The following PSAT1 variants were observed in gnomAD, a reference collection of about 807,000 sequenced individuals.
PSAT1 encodes the protein phosphoserine aminotransferase 1, also known as phosphoserine aminotransferase.
Under a neutral mutation model 40.3 loss-of-function variants are expected in PSAT1, and 41 were observed. The observed-to-expected ratio is 1.02, with a 90% confidence interval of 0.79 to 1.32. The LOEUF (loss-of-function observed/expected upper bound fraction) is 1.32. Ranked by LOEUF, PSAT1 falls within the 40% of genes most tolerant of loss-of-function variation. PSAT1 has a pLI of 0.00. For synonymous variants in PSAT1, 147 were observed against 170.5 expected (o/e 0.86, Z 1.07); for missense variants, 406 against 455.8 (o/e 0.89, Z 0.99).
chr9:78,310,495 G>A, intron 6 of PSAT1, among the ~76,000 whole-genome samples: 1 of 152,166 alleles, frequency 6.6e-6, no homozygotes, highest in East Asian at 1.9e-4. Context: ...GTAGGAAAGA[G>A]GGGGCTCAGG....
Position 78,306,307 on chromosome 9 carries a change from G to T in PSAT1, c.398-7G>T. On this transcript the variant is annotated splice_region_variant and splice_polypyrimidine_tract_variant and intron_variant, in intron 4 of 8. Coordinates refer to ENST00000376588, the MANE Select transcript of PSAT1 (RefSeq NM_058179.4). ...GTGCAAAGTCTCAAACTTGTCTTCT[G>T]TGATAGAAATTCCAGATCCAAGCAC... is the stretch of plus-strand genomic sequence containing the variant. The T allele has an allele frequency of 6.2e-7, 1 of 1,612,070 alleles. No homozygotes were observed. Among genetic ancestry groups the T allele is most frequent in the Non-Finnish European group, 8.5e-7 (1 of 1,179,862 alleles).
intron 6 of PSAT1, among the ~76,000 whole-genome samples, chr9:78,310,733 G>T (rs867964666): frequency 6.6e-6 from 1 of 151,566 alleles, no homozygotes. Context: ...TCAGCCTCCC[G>T]AGTAGCTGGG....
intron 1 of PSAT1, among the ~76,000 whole-genome samples, chr9:78,299,056 C>G (rs1828067323): frequency 7.0e-6 from 1 of 142,668 alleles, no homozygotes; most frequent in Non-Finnish European, 1.5e-5. Flanking sequence ...GGGAGGATCT[C>G]TTGAGCCCAG....
At chr9:78,305,495 G>A (rs1195769087) in intron 4 of PSAT1, among the ~76,000 whole-genome samples, 1 of 152,202 alleles carries the variant, frequency 6.6e-6, no homozygotes, top group Non-Finnish European at 1.5e-5. Context: ...CCAGGGGCTG[G>A]TTTGGCTTTA....
chr9:78,305,063 T>A, intron 4 of PSAT1, 123 bp downstream of exon 4: 1 of 882,926 alleles, frequency 1.1e-6, no homozygotes, highest in Non-Finnish European at 1.8e-6. Context: ...CCATTTAGAT[T>A]GGGTGGCTGT....
chr9:78,312,318 C>T (rs935291747), intron 6 of PSAT1, among the ~76,000 whole-genome samples: 48 of 152,098 alleles, frequency 3.2e-4, no homozygotes, highest in African/African-American at 1.2e-4. Context: ...CACAAGCATA[C>T]GTTTGTTTTA....
intron 7 of PSAT1, among the ~76,000 whole-genome samples, chr9:78,320,396 A>T (rs1270336750): frequency 9.1e-6 from 1 of 109,974 alleles, no homozygotes; most frequent in Non-Finnish European, 1.9e-5. Context: ...ACCCATCCAC[A>T]CACCCACCTA....
chr9:78,300,870 C>G (rs1828097925), intron 2 of PSAT1, among the ~76,000 whole-genome samples: 1 of 151,906 alleles, frequency 6.6e-6, no homozygotes, highest in African/African-American at 2.4e-5. Context: ...TACACATCAC[C>G]ACACCTGGCT....
intron 6 of PSAT1, among the ~76,000 whole-genome samples, chr9:78,309,740 G>A (rs1209605880): frequency 1.3e-5 from 2 of 152,194 alleles, no homozygotes; most frequent in African/African-American, 4.8e-5. Context: ...GGGCTGCGTT[G>A]CAGCACTTCA....
At chr9:78,321,393 ATTC>A (rs974712496) in intron 7 of PSAT1, among the ~76,000 whole-genome samples, 15 of 152,176 alleles carry the variant, frequency 9.9e-5, no homozygotes, top group African/African-American at 3.6e-4. Flanking sequence ...TTTTCAGGAA[ATTC>A]TTCTTTTCTT....
In PSAT1 at chr9:78,329,010, A is replaced by G. The variant is rs771325939; in HGVS notation, c.1037A>G (p.Tyr346Cys). ...GTGGGAGGCATCCGGGCCTCTCTGTATAATGCTGTCACAATTGAAGACGTT... is the reference window on the plus strand; with the variant it reads ...GTGGGAGGCATCCGGGCCTCTCTGTGTAATGCTGTCACAATTGAAGACGTT... ...RSVGGIRASL[Y>C]NAVTIEDVQK... is the part of the protein sequence containing the mutation. The change falls in exon 9 of 9, where the codon TAT (tyrosine) becomes TGT (cysteine). Residue 346 changes from tyrosine to cysteine, a missense_variant. Tyr to Cys is a radical substitution (Grantham distance 194). Coordinates refer to ENST00000376588, the MANE Select transcript of PSAT1 (RefSeq NM_058179.4). The G allele has an allele frequency of 4.3e-6, 7 of 1,613,724 alleles. No homozygotes were observed. The highest frequency in any genetic ancestry group is 5.1e-6 in the Non-Finnish European group (6 of 1,179,848).
intron 1 of PSAT1, among the ~76,000 whole-genome samples, chr9:78,300,147 A>G (rs576959225): frequency 6.6e-6 from 1 of 152,288 alleles, no homozygotes; most frequent in East Asian, 1.9e-4. Flanking sequence ...TATTCACAGC[A>G]GGCTCTTCCT....
intron 6 of PSAT1, among the ~76,000 whole-genome samples, chr9:78,317,005 C>G (rs1828354775): frequency 6.6e-6 from 1 of 151,326 alleles, no homozygotes; most frequent in African/African-American, 2.4e-5. Flanking sequence ...AGAGCTCGCT[C>G]TGGGTAGGGG....
intron 7 of PSAT1, among the ~76,000 whole-genome samples, chr9:78,325,206 G>A (rs1828479376): frequency 6.6e-6 from 1 of 152,026 alleles, no homozygotes; most frequent in South Asian, 2.1e-4. Flanking sequence ...AATGATTTTG[G>A]TCATCAAGAC....
intron 7 of PSAT1, among the ~76,000 whole-genome samples, chr9:78,323,121 G>A (rs114681330): frequency 0.016 from 2,427 of 152,306 alleles, 70 homozygotes; most frequent in African/African-American, 0.05. Flanking sequence ...GTAGGGGTCT[G>A]ATGAAAACAA....
intron 3 of PSAT1, among the ~76,000 whole-genome samples, chr9:78,303,777 C>T (rs552986258): frequency 2.6e-5 from 4 of 152,268 alleles, no homozygotes; most frequent in Non-Finnish European, 5.9e-5. Flanking sequence ...ATTGCCCTGC[C>T]CTTTATTAAT....
At chr9:78,305,740 T>C (rs1828171978) in intron 4 of PSAT1, among the ~76,000 whole-genome samples, 1 of 152,168 alleles carries the variant, frequency 6.6e-6, no homozygotes, top group Admixed American at 6.5e-5. Context: ...GTAGGTTTCA[T>C]TGGCTCCCCT....
chr9:78,318,892 G>T (rs1207345422), intron 7 of PSAT1, among the ~76,000 whole-genome samples: 1 of 152,198 alleles, frequency 6.6e-6, no homozygotes, highest in Non-Finnish European at 1.5e-5. Context: ...ACCTAGTGCG[G>T]TGCCTTGGAT....
chr9:78,328,189 G>T lies in PSAT1; in HGVS notation c.1007+1G>T, dbSNP rs745553448. 1 of 1,614,000 alleles carries T rather than the reference G, an allele frequency of 6.2e-7. No homozygotes were observed. Among genetic ancestry groups the T allele is most frequent in the Admixed American group, 1.7e-5 (1 of 60,020 alleles). On this transcript the variant is annotated splice_donor_variant, in intron 8 of 8. Coordinates refer to ENST00000376588, the MANE Select transcript of PSAT1 (RefSeq NM_058179.4). LOFTEE classifies it high-confidence loss of function. The stretch of plus-strand genomic sequence containing the variant: ...ATATGTTGTCCTTGAAAGGGCATAG[G>T]TGAGTACATCTGCAATGCACGAGCT...
Sources: allele counts gnomAD v4.1 joint callset (sites outside exome capture counted in the v4.1 genomes callset), GRCh38; gene constraint gnomAD v4.1.1; transcripts MANE v1.5; gene names NCBI Gene and HGNC (gene_info 2026-07-23, HGNC 2026-07-21).